PCDHGA3: variants seen among roughly 807,000 people sequenced by gnomAD.
PCDHGA3 encodes the protein protocadherin gamma-A3.
In PCDHGA3, 40 loss-of-function variants were observed where a neutral mutation model predicts 58.5. The ratio of observed to expected loss-of-function variants is 0.68; its 90% confidence interval spans 0.53 to 0.89. The LOEUF is 0.89. PCDHGA3 is among the 40% of genes least tolerant of loss of function. PCDHGA3 has a pLI of 0.00. For synonymous variants in PCDHGA3, 530 were observed against 525.7 expected, an observed-to-expected ratio of 1.01 and a Z score of -0.11; for missense variants, 1,223 against 1,195.9, an observed-to-expected ratio of 1.02 and a Z score of -0.33.
intron 1 of PCDHGA3, among the ~76,000 whole-genome samples, chr5:141,353,712 A>C (rs893313768): frequency 6.6e-6 from 1 of 152,180 alleles, no homozygotes; most frequent in African/African-American, 2.4e-5. Flanking sequence ...TTGTTTCTTT[A>C]GTGTAGATTT....
At chr5:141,376,589 C>T (rs774042696) in intron 1 of PCDHGA3, 3 of 1,568,090 alleles carry the variant, frequency 1.9e-6, no homozygotes, top group Non-Finnish European at 2.6e-6. Context: ...TCAGCTAGAT[C>T]GGCTGTTATA....
intron 1 of PCDHGA3, chr5:141,350,032 T>C (rs556482258): frequency 2.8e-4 from 106 of 380,106 alleles, no homozygotes; most frequent in African/African-American, 2.0e-3. Flanking sequence ...CAAGACAACC[T>C]CTGGGCGCCG....
intron 1 of PCDHGA3, among the ~76,000 whole-genome samples, chr5:141,459,176 T>C (rs2098962762): frequency 6.6e-6 from 1 of 152,210 alleles, no homozygotes. Context: ...CTTCAAAAGT[T>C]CCCTCATGCC....
At chr5:141,386,329 GA>G (rs1445155662) in intron 1 of PCDHGA3, among the ~76,000 whole-genome samples, 4 of 152,150 alleles carry the variant, frequency 2.6e-5, no homozygotes, top group Non-Finnish European at 4.4e-5. Context: ...TTGTCATCCA[GA>G]AGGGGTGGAT....
rs527250082 is a variant in PCDHGA3 at position 141,371,292 on chromosome 5, G to A, written c.2424+24835G>A. 2.0e-5 allele frequency: 33 copies of A among 1,613,858 alleles called. No individual in the cohort carries two copies. The highest frequency in any genetic ancestry group is 1.6e-4 in the Middle Eastern group (1 of 6,084). On this transcript the variant is annotated intron_variant, in intron 1 of 3. Transcript: ENST00000253812. ...GTTCAAGCTGGACAGTAAAACGGGG[G>A]AACTCACCACTATTGGAGAACTGGA...
At chr5:141,415,043 T>G in intron 1 of PCDHGA3, 2 of 1,613,396 alleles carry the variant, frequency 1.2e-6, no homozygotes, top group Non-Finnish European at 1.7e-6. Flanking sequence ...CTCTTCGCGG[T>G]GGGGGAGCAC....
intron 1 of PCDHGA3, chr5:141,389,263 C>G (rs1285877712): frequency 6.2e-7 from 1 of 1,614,028 alleles, no homozygotes; most frequent in Admixed American, 1.7e-5. Flanking sequence ...GTCCACGTGG[C>G]CGAGAACAAC....
intron 1 of PCDHGA3, chr5:141,396,354 C>T (rs1285916157): frequency 6.6e-6 from 1 of 152,456 alleles, no homozygotes; most frequent in East Asian, 1.9e-4. Context: ...TGCGGTGGCT[C>T]ACGCCTGTAA....
chr5:141,456,275 G>A (rs1234663731), intron 1 of PCDHGA3, among the ~76,000 whole-genome samples: 1 of 152,142 alleles, frequency 6.6e-6, no homozygotes, highest in Non-Finnish European at 1.5e-5. Flanking sequence ...GCTACTTCCT[G>A]CTGAAAAGGG....
intron 1 of PCDHGA3, chr5:141,351,700 C>A (rs753470957): frequency 3.1e-6 from 5 of 1,613,838 alleles, no homozygotes; most frequent in Non-Finnish European, 4.2e-6. Context: ...TGGGACCCAA[C>A]GGCAGAGTCT....
chr5:141,421,277 T>C (rs761435958), intron 1 of PCDHGA3: 2 of 1,612,826 alleles, frequency 1.2e-6, no homozygotes, highest in Non-Finnish European at 1.7e-6. Flanking sequence ...CTGCTGCTGC[T>C]GTGCATTTTC....
rs762612048 is a variant in PCDHGA3 at position 141,388,612 on chromosome 5, G to A, written c.2424+42155G>A. The A allele has an allele frequency of 2.5e-5, 40 of 1,613,954 alleles. No homozygotes were observed. The East Asian group carries it at 5.3e-4, about 22-fold the overall frequency. ...GCCAATGATAATGCTCCAGTGTTCAGTCAAGACGTATACAGGGTGAGCCTT... is the reference window on the plus strand; with the variant it reads ...GCCAATGATAATGCTCCAGTGTTCAATCAAGACGTATACAGGGTGAGCCTT... On this transcript the variant is annotated intron_variant, in intron 1 of 3. Coordinates refer to ENST00000253812, the MANE Select transcript of PCDHGA3 (RefSeq NM_018916.4).
intron 1 of PCDHGA3, among the ~76,000 whole-genome samples, chr5:141,347,590 C>T (rs1450261178): frequency 2.0e-5 from 3 of 152,034 alleles, no homozygotes; most frequent in African/African-American, 7.2e-5. Context: ...AGTTCAAGAA[C>T]ACCCTGGCCA....
At chr5:141,350,694 C>G (rs1466835442) in intron 1 of PCDHGA3, 1 of 1,613,888 alleles carries the variant, frequency 6.2e-7, no homozygotes, top group Non-Finnish European at 8.5e-7. Flanking sequence ...TCAGCCTTAC[C>G]CGGGGTAAAA....
In PCDHGA3 at chr5:141,375,730, C is replaced by A. The variant is rs763067110; in HGVS notation, c.2424+29273C>A. On this transcript the variant is annotated intron_variant, in intron 1 of 3. Coordinates refer to ENST00000253812, the MANE Select transcript of PCDHGA3 (RefSeq NM_018916.4). ...CTCTTAGCAGCAACGTGTCACTGAG[C>A]CTGTTTGTGCTGGACCAGAATGACA... 4 of 1,614,266 alleles carry A rather than the reference C, an allele frequency of 2.5e-6. No homozygotes were observed. Among genetic ancestry groups the A allele is most frequent in the Non-Finnish European group, 3.4e-6 (4 of 1,180,050 alleles).
At position 141,489,662 on chromosome 5, in the gene PCDHGA3, G is replaced by A. The variant is rs2233601; in HGVS notation, c.2425-5145G>A. On this transcript the variant is annotated intron_variant, in intron 1 of 3. Coordinates refer to ENST00000253812, the MANE Select transcript of PCDHGA3 (RefSeq NM_018916.4). This position sits in a 1 kb window ranked among gnomAD's most constrained non-coding sequence, Gnocchi z 4.5. ...TTTGCCACCCCTGAGCGAGAGATGC[G>A]CATCTCAGAATCAGCAGCATCTGGG... The A allele has an allele frequency of 4.0e-4, 649 of 1,614,144 alleles. 2 individuals are homozygous for A. The highest frequency in any genetic ancestry group is 1.5e-3 in the Middle Eastern group (9 of 6,062).
At chr5:141,478,850 A>T in intron 1 of PCDHGA3, 1 of 1,376,726 alleles carries the variant, frequency 7.3e-7, no homozygotes, top group South Asian at 1.5e-5. Context: ...AAGCTAAAAC[A>T]CAAGATCTCA....
At chr5:141,387,211 C>T (rs184165131) in intron 1 of PCDHGA3, among the ~76,000 whole-genome samples, 35 of 152,068 alleles carry the variant, frequency 2.3e-4, no homozygotes, top group African/African-American at 7.7e-4. Flanking sequence ...TGATACTCTC[C>T]GGAAAAAGTT....
intron 1 of PCDHGA3, chr5:141,360,701 G>A (rs1316006767): frequency 6.2e-7 from 1 of 1,613,936 alleles, no homozygotes; most frequent in Admixed American, 1.7e-5. Flanking sequence ...CCAGATGGTC[G>A]TAAATATCCT....
Sources: allele counts gnomAD v4.1 joint callset (sites outside exome capture counted in the v4.1 genomes callset), GRCh38; gene constraint gnomAD v4.1.1; non-coding constraint Gnocchi (gnomAD v3.1); transcripts MANE v1.5; gene names NCBI Gene and HGNC (gene_info 2026-07-23, HGNC 2026-07-21).